Variants in SFMBT2 observed in about 807,000 individuals in gnomAD.
SFMBT2 encodes the protein Scm like with four mbt domains 2.
SFMBT2 carries 38 observed loss-of-function variants against 110.1 expected under a neutral mutation model. The ratio of observed to expected loss-of-function variants is 0.35; its 90% CI spans 0.27 to 0.45. SFMBT2 has a LOEUF of 0.45. Ranked by LOEUF, SFMBT2 falls within the 20% of genes least tolerant of loss-of-function variation. SFMBT2 has a pLI of 1.00. For missense variants in SFMBT2, 1,011 were observed against 1,094.9 expected, an observed-to-expected ratio of 0.92 and a Z score of 1.08; for synonymous variants, 425 against 425.4, an observed-to-expected ratio of 1.00 and a Z score of 0.01.
intron 7 of SFMBT2, among the ~76,000 whole-genome samples, chr10:7,250,191 G>T (rs1840756914): frequency 6.6e-6 from 1 of 152,114 alleles, no homozygotes; most frequent in Non-Finnish European, 1.5e-5. Context: ...CTATACTCAG[G>T]TAGTGAACAT....
At chr10:7,345,672 C>T (rs181563649) in intron 4 of SFMBT2, among the ~76,000 whole-genome samples, 95 of 152,312 alleles carry the variant, frequency 6.2e-4, no homozygotes, top group Non-Finnish European at 1.1e-3. Flanking sequence ...ATCTTTTTTA[C>T]ATTCTTCATT....
intron 4 of SFMBT2, among the ~76,000 whole-genome samples, chr10:7,364,007 T>A (rs1844811385): frequency 6.6e-6 from 1 of 152,090 alleles, no homozygotes; most frequent in African/African-American, 2.4e-5. Flanking sequence ...TACAATGATA[T>A]CAGGTCTCTA....
chr10:7,201,489 G>T (rs1466634265), intron 13 of SFMBT2, among the ~76,000 whole-genome samples: 1 of 152,090 alleles, frequency 6.6e-6, no homozygotes, highest in Non-Finnish European at 1.5e-5. Flanking sequence ...GTGGAGTCTG[G>T]TTATGAGCCA....
At chr10:7,343,042 T>C (rs972439239) in intron 4 of SFMBT2, among the ~76,000 whole-genome samples, 10 of 152,180 alleles carry the variant, frequency 6.6e-5, no homozygotes. Flanking sequence ...CTTTCCACCA[T>C]CCACTCTCAA....
At position 7,171,683 on chromosome 10, in the gene SFMBT2, T is replaced by C. The variant is rs1272531203; in HGVS notation, c.2415+212A>G. 5.5e-6 allele frequency: 4 copies of C among 723,698 alleles called. No individual in the cohort carries two copies. Among genetic ancestry groups the C allele is most frequent in the Non-Finnish European group, 6.8e-6 (4 of 591,274 alleles). The allele number at this position is 723,698 out of a possible 1,614,324, so 44.8% of individuals were successfully genotyped here. On this transcript the variant is annotated intron_variant, in intron 19 of 20. Coordinates refer to ENST00000397167, the MANE Select transcript of SFMBT2 (RefSeq NM_001387889.1). This position sits in a 1 kb window ranked among gnomAD's most constrained non-coding sequence, Gnocchi z 4.9. ...AAAGCCGTCCAGGAAAGAGGCGCTG[T>C]CTCCACCCTGGGCACTCCATTCTGA...
intron 11 of SFMBT2, among the ~76,000 whole-genome samples, chr10:7,213,222 C>T (rs984349484): frequency 1.4e-5 from 2 of 146,056 alleles, no homozygotes; most frequent in Non-Finnish European, 1.5e-5. Flanking sequence ...GTTCTGCACA[C>T]GTATCCCAGA....
chr10:7,357,654 C>T (rs1844563206), intron 4 of SFMBT2, among the ~76,000 whole-genome samples: 1 of 152,150 alleles, frequency 6.6e-6, no homozygotes, highest in Non-Finnish European at 1.5e-5. Flanking sequence ...TATGGAAAAC[C>T]CTGACTAAAA....
intron 11 of SFMBT2, among the ~76,000 whole-genome samples, chr10:7,211,742 GAAATGTAATT>G (rs1839356667): frequency 6.6e-6 from 1 of 152,234 alleles, no homozygotes; most frequent in South Asian, 2.1e-4. Flanking sequence ...ACCCTGGCTT[GAAATGTAATT>G]GTTTTCACGT....
At chr10:7,215,151 G>A (rs1305503939) in intron 11 of SFMBT2, among the ~76,000 whole-genome samples, 2 of 152,164 alleles carry the variant, frequency 1.3e-5, no homozygotes, top group Admixed American at 6.5e-5. Flanking sequence ...CTGTAATCCC[G>A]GCATTTTGGG....
chr10:7,385,312 T>A (rs556049451), intron 1 of SFMBT2, among the ~76,000 whole-genome samples: 67 of 152,114 alleles, frequency 4.4e-4, no homozygotes, highest in African/African-American at 1.6e-3. Context: ...ATCCACAGAC[T>A]CCAGAAGCCA....
chr10:7,378,531 A>C (rs1234309006), intron 2 of SFMBT2, among the ~76,000 whole-genome samples: 1 of 5,928 alleles, frequency 1.7e-4, no homozygotes, highest in African/African-American at 1.2e-3. Context: ...GATGGGTATG[A>C]GTGTGTGGGG....
At chr10:7,349,782 A>G (rs1212624766) in intron 4 of SFMBT2, among the ~76,000 whole-genome samples, 2 of 151,160 alleles carry the variant, frequency 1.3e-5, no homozygotes, top group Non-Finnish European at 3.0e-5. Context: ...TCTTTTATCC[A>G]CCTCTTGCCT....
rs908264934 is a variant in SFMBT2, at chr10:7,408,281, G to A, written c.-52+2580C>T. Among the ~76,000 whole-genome samples, 15 of 151,380 alleles carry A rather than the reference G, an allele frequency of 9.9e-5. No individual in the cohort carries two copies. Among genetic ancestry groups the A allele is most frequent in the Middle Eastern group, 3.3e-3 (1 of 304 alleles). On this transcript the variant is annotated intron_variant, in intron 1 of 20. Coordinates refer to ENST00000397167, the MANE Select transcript of SFMBT2 (RefSeq NM_001387889.1). The surrounding 1 kb of genome is among the most constrained non-coding windows in gnomAD (Gnocchi z 5.7). ...GAGGAGCCACGGACGCGTCCTGGCC[G>A]GCGTGTCGCCATCGTTCAGCCTCGC...
intron 15 of SFMBT2, among the ~76,000 whole-genome samples, chr10:7,190,253 A>T (rs1308739856): frequency 6.6e-6 from 1 of 152,224 alleles, no homozygotes; most frequent in Non-Finnish European, 1.5e-5. Context: ...CTGTCAGTAC[A>T]ATTTACAGAA....
intron 1 of SFMBT2, among the ~76,000 whole-genome samples, chr10:7,391,511 C>T (rs1310985867): frequency 3.3e-5 from 5 of 151,782 alleles, no homozygotes; most frequent in African/African-American, 9.7e-5. Flanking sequence ...TCACATGACT[C>T]TGGAGGGCAA....
intron 15 of SFMBT2, among the ~76,000 whole-genome samples, chr10:7,192,992 G>A (rs991995670): frequency 2.6e-5 from 4 of 152,186 alleles, no homozygotes; most frequent in South Asian, 2.1e-4. Flanking sequence ...CCTGAGAAGC[G>A]CCTCATTGCA....
At chr10:7,201,827 T>C (rs191202064) in intron 13 of SFMBT2, among the ~76,000 whole-genome samples, 23 of 152,322 alleles carry the variant, frequency 1.5e-4, no homozygotes, top group Non-Finnish European at 2.1e-4. Flanking sequence ...AAAGTCACAA[T>C]TGAAATGGGG....
intron 7 of SFMBT2, among the ~76,000 whole-genome samples, chr10:7,259,000 T>A (rs1392673677): frequency 6.6e-6 from 1 of 152,216 alleles, no homozygotes; most frequent in Admixed American, 6.5e-5. Context: ...TAAAAAATAG[T>A]AATGAGAAAT....
chr10:7,393,326 C>T (rs968517068), intron 1 of SFMBT2, among the ~76,000 whole-genome samples: 8 of 151,978 alleles, frequency 5.3e-5, no homozygotes, highest in Admixed American at 3.3e-4. Flanking sequence ...TCACCATGCC[C>T]GGCCTCATAT....
Sources: allele counts gnomAD v4.1 joint callset (sites outside exome capture counted in the v4.1 genomes callset), GRCh38; gene constraint gnomAD v4.1.1; non-coding constraint Gnocchi (gnomAD v3.1); transcripts MANE v1.5; gene names NCBI Gene and HGNC (gene_info 2026-07-23, HGNC 2026-07-21).